The following CAMK1D variants were observed in gnomAD, a reference collection of about 807,000 sequenced individuals.
CAMK1D encodes the protein calcium/calmodulin dependent protein kinase ID.
A neutral mutation model predicts 47.7 loss-of-function variants in CAMK1D; 9 were observed. The observed-to-expected ratio is 0.19, with a 90% confidence interval of 0.11 to 0.33. The LOEUF is 0.33. Among genes scored for constraint, CAMK1D ranks in the 10% least tolerant of loss-of-function variants. The pLI, the probability that CAMK1D is intolerant of heterozygous loss-of-function variation, is 1.00. For synonymous variants in CAMK1D, 184 were observed against 184.9 expected, an observed-to-expected ratio of 0.99 and a Z score of 0.04; for missense variants, 291 against 488.7, an observed-to-expected ratio of 0.60 and a Z score of 3.81.
intron 1 of CAMK1D, among the ~76,000 whole-genome samples, chr10:12,419,235 A>G (rs1839962424): frequency 6.6e-6 from 1 of 151,778 alleles, no homozygotes; most frequent in African/African-American, 2.4e-5. Flanking sequence ...ACTCACCCCT[A>G]CTTTCTGCCC....
At chr10:12,447,998 T>G (rs1227484018) in intron 1 of CAMK1D, among the ~76,000 whole-genome samples, 2 of 152,002 alleles carry the variant, frequency 1.3e-5, no homozygotes, top group African/African-American at 4.8e-5. Context: ...ATTACAGGTG[T>G]GTGCCACTAC....
At chr10:12,461,705 A>T (rs891846209) in intron 1 of CAMK1D, among the ~76,000 whole-genome samples, 1 of 151,516 alleles carries the variant, frequency 6.6e-6, no homozygotes, top group Admixed American at 6.6e-5. Context: ...AAAAAAAAAA[A>T]AAGAAGCTTT....
intron 3 of CAMK1D, among the ~76,000 whole-genome samples, chr10:12,676,111 C>T (rs1042605309): frequency 3.3e-5 from 5 of 152,110 alleles, no homozygotes; most frequent in Non-Finnish European, 5.9e-5. Context: ...TGCCACTACG[C>T]CTGGCTAATT....
rs1334825505 is a variant in CAMK1D, at chr10:12,833,191, A to T, written c.*4304A>T. Reference sequence around the variant, plus strand: ...AGGAATCTGGCCTAGGGAGCCCCGGACTCGGTTTACCTACCCCGTACTCAT... The same window carrying T: ...AGGAATCTGGCCTAGGGAGCCCCGGTCTCGGTTTACCTACCCCGTACTCAT... On this transcript the variant is annotated 3_prime_UTR_variant, in exon 11 of 11. Transcript: ENST00000619168. 1 of 152,076 alleles carries T rather than the reference A, an allele frequency of 6.6e-6. No individual in the cohort carries two copies. Among genetic ancestry groups the T allele is most frequent in the African/African-American group, 2.4e-5 (1 of 41,388 alleles). 9.4% of individuals were successfully genotyped at this position (152,076 alleles called of 1,614,324 possible).
chr10:12,786,889 A>G (rs1262021226), intron 5 of CAMK1D, among the ~76,000 whole-genome samples: 1 of 152,172 alleles, frequency 6.6e-6, no homozygotes, highest in Non-Finnish European at 1.5e-5. Context: ...TTGGGAGGCC[A>G]AGGCGGGTGG....
At chr10:12,794,308 T>G (rs1838100248) in intron 6 of CAMK1D, among the ~76,000 whole-genome samples, 1 of 152,002 alleles carries the variant, frequency 6.6e-6, no homozygotes. Flanking sequence ...GAGGAGCCAA[T>G]TTAGAAGGGT....
At chr10:12,749,029 A>C (rs1835807067) in intron 3 of CAMK1D, among the ~76,000 whole-genome samples, 2 of 150,722 alleles carry the variant, frequency 1.3e-5, no homozygotes, top group Non-Finnish European at 2.9e-5. Context: ...TTAATTAGTG[A>C]TTGGTTTTTA....
intron 1 of CAMK1D, among the ~76,000 whole-genome samples, chr10:12,470,863 A>G (rs181898730): frequency 7.7e-4 from 117 of 152,204 alleles, no homozygotes; most frequent in Admixed American, 1.8e-3. Context: ...AGGTGTGCTT[A>G]TGGCCCAGTG....
In CAMK1D at chr10:12,816,256, A is replaced by T; in HGVS notation, c.761A>T (p.Asp254Val). The change falls in exon 8 of 11, where the codon GAC becomes GTC. Residue 254 changes from aspartate (D) to valine (V), a missense_variant. Asp to Val is a radical substitution (Grantham distance 152). This residue lies in a region of CAMK1D where 219 missense variants were observed against 424.3 expected (regional missense o/e 0.52). Transcript: ENST00000619168. ...YWDDISDSAK[D>V]FIRNLMEKDP... Reference sequence around the variant, plus strand: ...GTGCCTTCTTTTTGAACAGCAAAAGACTTCATTCGGAACCTGATGGAGAAG... The same window carrying T: ...GTGCCTTCTTTTTGAACAGCAAAAGTCTTCATTCGGAACCTGATGGAGAAG... 1.2e-6 allele frequency: 2 copies of T among 1,613,844 alleles called. No individual in the cohort carries two copies. Among genetic ancestry groups the T allele is most frequent in the Non-Finnish European group, 1.7e-6 (2 of 1,179,892 alleles).
chr10:12,391,213 T>G (rs898278644), intron 1 of CAMK1D, among the ~76,000 whole-genome samples: 1 of 152,220 alleles, frequency 6.6e-6, no homozygotes, highest in African/African-American at 2.4e-5. Context: ...TAAAATACTT[T>G]AACTTCAAGC....
intron 2 of CAMK1D, among the ~76,000 whole-genome samples, chr10:12,606,839 T>C (rs1838475820): frequency 1.3e-5 from 2 of 152,124 alleles, no homozygotes; most frequent in South Asian, 4.2e-4. Flanking sequence ...TTTTTTTTCT[T>C]TTTTTTGGAG....
Position 12,516,201 on chromosome 10 carries a change from C to T in CAMK1D, c.93-37024C>T, listed in dbSNP as rs575571261. 7.2e-5 allele frequency among the ~76,000 whole-genome samples: 11 copies of T among 152,270 alleles called. No individual in the cohort carries two copies. In the East Asian group the frequency reaches 2.1e-3, roughly 29 times the overall value. ...CTTGATTTACTGCAAGCTCTGCCTCCTGGGTTCAAGCAATTCTCTGCCTCA... is the reference window on the plus strand; with the variant it reads ...CTTGATTTACTGCAAGCTCTGCCTCTTGGGTTCAAGCAATTCTCTGCCTCA... On this transcript the variant is annotated intron_variant, in intron 1 of 10. Coordinates refer to ENST00000619168, the MANE Select transcript of CAMK1D (RefSeq NM_153498.4).
intron 5 of CAMK1D, among the ~76,000 whole-genome samples, chr10:12,789,351 C>T (rs540288999): frequency 1.4e-3 from 206 of 152,294 alleles, no homozygotes; most frequent in African/African-American, 4.4e-3. Context: ...AGACTGAAGA[C>T]GCTCTCACCT....
intron 1 of CAMK1D, among the ~76,000 whole-genome samples, chr10:12,542,907 G>C (rs764643901): frequency 3.9e-5 from 6 of 151,968 alleles, no homozygotes; most frequent in African/African-American, 1.2e-4. Context: ...CACCATGCCC[G>C]GCTCATTTTT....
In CAMK1D at chr10:12,829,330, C is replaced by T. The variant is rs1350462388; in HGVS notation, c.*443C>T. 1 of 153,070 alleles carries T rather than the reference C, an allele frequency of 6.5e-6. No individual in the cohort carries two copies. Among genetic ancestry groups the T allele is most frequent in the Non-Finnish European group, 1.5e-5 (1 of 68,592 alleles). The allele number at this position is 153,070 out of a possible 1,614,324, so 9.5% of individuals were successfully genotyped here. A position where few individuals can be genotyped will look rare whatever the true frequency, so the allele number is the denominator to read the frequency against. On this transcript the variant is annotated 3_prime_UTR_variant, in exon 11 of 11. Transcript: ENST00000619168. ...CTTTTAAGAAGTATGTCCTTTGTAT[C>T]TCTAAGTTACATGACCTATATCTTT...
intron 6 of CAMK1D, among the ~76,000 whole-genome samples, chr10:12,810,151 TAAAAAAAAA>T (rs749675063): frequency 1.2e-5 from 1 of 81,446 alleles, no homozygotes; most frequent in Non-Finnish European, 2.2e-5. Flanking sequence ...CCTGTCTCAT[TAAAAAAAAA>T]AAAAAAAAGG....
chr10:12,750,631 G>A (rs1835898587), intron 3 of CAMK1D, among the ~76,000 whole-genome samples: 1 of 152,168 alleles, frequency 6.6e-6, no homozygotes, highest in South Asian at 2.1e-4. Context: ...GGTACAACAT[G>A]CAAACCGCTA....
intron 3 of CAMK1D, among the ~76,000 whole-genome samples, chr10:12,729,562 C>T (rs548403219): frequency 5.2e-4 from 79 of 152,096 alleles, no homozygotes; most frequent in South Asian, 6.2e-4. Flanking sequence ...CACTTGAGCC[C>T]GGGCTGCAGT....
intron 1 of CAMK1D, among the ~76,000 whole-genome samples, chr10:12,548,977 T>C (rs933192689): frequency 1.3e-5 from 2 of 152,242 alleles, no homozygotes; most frequent in Non-Finnish European, 2.9e-5. Context: ...CACCTCAGCC[T>C]GCTGAGTAGC....
Sources: gnomAD v4.1 joint callset for allele counts (sites outside exome capture counted in the v4.1 genomes callset) on GRCh38, gnomAD v4.1.1 for gene constraint, gnomAD v4.1.1 regional missense constraint, MANE v1.5 for transcripts, NCBI Gene and HGNC (gene_info 2026-07-23, HGNC 2026-07-21) for gene names.